CLEC20A: variants seen among roughly 807,000 people sequenced by gnomAD.
CLEC20A encodes the protein putative C-type lectin domain family 20 member A.
chr1:178,490,475 C>G (rs1009062685), intron 3 of CLEC20A, 38 bp from the exon 4 acceptor site: 22 of 398,444 alleles, frequency 5.5e-5, no homozygotes, highest in Non-Finnish European at 9.7e-5. Flanking sequence ...GGCCTGAGGG[C>G]CTGGGTCTCT....
At chr1:178,481,854 A>G (rs550714026) in intron 7 of CLEC20A, 2 of 152,428 alleles carry the variant, frequency 1.3e-5, no homozygotes, top group Non-Finnish European at 2.9e-5. Context: ...TTGAGCACCA[A>G]CTATGTGTCA....
chr1:178,494,076 C>A (rs933248770), intron 2 of CLEC20A, among the ~76,000 whole-genome samples: 1 of 152,172 alleles, frequency 6.6e-6, no homozygotes, highest in East Asian at 1.9e-4. Context: ...CTCTGTCTCT[C>A]CCTGCCCCGT....
chr1:178,487,127 A>G (rs1253710771), intron 5 of CLEC20A, among the ~76,000 whole-genome samples: 1 of 152,166 alleles, frequency 6.6e-6, no homozygotes, highest in Admixed American at 6.5e-5. Flanking sequence ...GGCAAGAAGG[A>G]GTGGCTTCGC....
intron 2 of CLEC20A, among the ~76,000 whole-genome samples, chr1:178,494,072 C>T (rs1036217193): frequency 8.5e-5 from 13 of 152,146 alleles, no homozygotes; most frequent in African/African-American, 2.4e-5. Flanking sequence ...CTCTCTCTGT[C>T]TCTCCCTGCC....
At chr1:178,480,311 T>C (rs1279694315) in intron 7 of CLEC20A, 2 of 152,218 alleles carry the variant, frequency 1.3e-5, no homozygotes, top group Non-Finnish European at 2.9e-5. Flanking sequence ...ATTTATGGAA[T>C]AGATACATTC....
At chr1:178,491,681 T>C (rs767972247) in intron 3 of CLEC20A, among the ~76,000 whole-genome samples, 1 of 152,166 alleles carries the variant, frequency 6.6e-6, no homozygotes, top group Non-Finnish European at 1.5e-5. Context: ...CTGTACTCCA[T>C]ACCATGCAGA....
chr1:178,497,910 G>A (rs1180375393), upstream of CLEC20A, among the ~76,000 whole-genome samples: 2 of 151,984 alleles, frequency 1.3e-5, no homozygotes, highest in Non-Finnish European at 2.9e-5. Flanking sequence ...AGACCCCTTG[G>A]GTCCTCAGGG....
At chr1:178,498,728 A>G (rs1322327122), upstream of CLEC20A, among the ~76,000 whole-genome samples, 4 of 152,170 alleles carry the variant, frequency 2.6e-5, no homozygotes, top group African/African-American at 7.2e-5. Flanking sequence ...TTAGGCCCAG[A>G]GCCCTCTCTG....
chr1:178,487,067 A>G, intron 5 of CLEC20A: 1 of 385,428 alleles, frequency 2.6e-6, no homozygotes, highest in Non-Finnish European at 4.6e-6. Flanking sequence ...AGGGCCAGAG[A>G]GAAGACTTCT....
intron 3 of CLEC20A, 74 bp from the exon 4 acceptor site, chr1:178,490,511 G>C (rs893411533): frequency 1.8e-5 from 7 of 397,918 alleles, no homozygotes; most frequent in Non-Finnish European, 3.1e-5. Context: ...ATCACCCTTG[G>C]GGATAGAATT....
At chr1:178,486,944 G>C (rs1474727902) in intron 5 of CLEC20A, 1 of 397,000 alleles carries the variant, frequency 2.5e-6, no homozygotes, top group African/African-American at 2.1e-5. Flanking sequence ...GCGGAAGCGC[G>C]CGAGTAGGAG....
exon 7 of CLEC20A, chr1:178,482,345 G>T (rs1013714773): frequency 5.0e-6 from 2 of 398,586 alleles, no homozygotes; most frequent in Non-Finnish European, 8.8e-6. Flanking sequence ...TCTCTTCTGG[G>T]TCCATCAGAG....
intron 1 of CLEC20A, among the ~76,000 whole-genome samples, chr1:178,495,589 G>A (rs1352458455): frequency 6.6e-6 from 1 of 152,098 alleles, no homozygotes; most frequent in East Asian, 1.9e-4. Context: ...AGCAAAGAAC[G>A]AGCCTCATTC....
chr1:178,482,379 A>G (rs1649012830), exon 7 of CLEC20A: 3 of 398,500 alleles, frequency 7.5e-6, no homozygotes, highest in Admixed American at 4.4e-5. Context: ...GTCTGCTTTC[A>G]AGATTCCAAA....
At chr1:178,492,005 C>T (rs571300528) in intron 3 of CLEC20A, among the ~76,000 whole-genome samples, 44 of 152,282 alleles carry the variant, frequency 2.9e-4, no homozygotes, top group African/African-American at 1.0e-3. Context: ...AAGACAATGG[C>T]CGGCTCGGTG....
chr1:178,493,036 T>A (rs1649302145), intron 2 of CLEC20A, among the ~76,000 whole-genome samples: 1 of 152,208 alleles, frequency 6.6e-6, no homozygotes, highest in Non-Finnish European at 1.5e-5. Flanking sequence ...TTTACCTTTT[T>A]AAAAGCTCAC....
intron 5 of CLEC20A, among the ~76,000 whole-genome samples, chr1:178,487,278 G>C (rs1649172164): frequency 6.6e-6 from 1 of 152,190 alleles, no homozygotes; most frequent in African/African-American, 2.4e-5. Context: ...GCAGGTGCCA[G>C]GATAGACCTT....
At chr1:178,487,798 C>T (rs1291341112) in intron 5 of CLEC20A, among the ~76,000 whole-genome samples, 1 of 152,186 alleles carries the variant, frequency 6.6e-6, no homozygotes, top group East Asian at 1.9e-4. Context: ...TGATCAAGTG[C>T]CCTCACTTTT....
chr1:178,498,986 C>G (rs1263155381), upstream of CLEC20A, among the ~76,000 whole-genome samples: 1 of 152,244 alleles, frequency 6.6e-6, no homozygotes, highest in Admixed American at 6.5e-5. Flanking sequence ...CTCCCAGGAC[C>G]ACTCTCTGGG....
Sources: allele counts gnomAD v4.1 joint callset (sites outside exome capture counted in the v4.1 genomes callset), GRCh38; gene constraint gnomAD v4.1.1; transcripts MANE v1.5; gene names NCBI Gene and HGNC (gene_info 2026-07-23, HGNC 2026-07-21).